Variants in CHI3L2 observed in about 807,000 individuals in gnomAD.
CHI3L2 encodes chitinase 3 like 2, also known as chitinase-3-like protein 2.
A neutral mutation model predicts 47.3 loss-of-function variants in CHI3L2; 47 were observed. That is an observed-to-expected ratio of 0.99 (90% CI 0.79 to 1.27). The LOEUF is 1.27. Among genes scored for constraint, CHI3L2 ranks in the 50% most tolerant of loss-of-function variants. The pLI, the probability that CHI3L2 is intolerant of heterozygous loss-of-function variation, is 0.00. For synonymous variants in CHI3L2, 198 were observed against 169.9 expected (o/e 1.17, Z -1.28); for missense variants, 497 against 462.1 (o/e 1.08, Z -0.69).
In CHI3L2 at chr1:111,235,020, A is replaced by T; in HGVS notation, c.443A>T (p.Asp148Val). 1 of 1,614,148 alleles carries T rather than the reference A, an allele frequency of 6.2e-7. No individual in the cohort carries two copies. The highest frequency in any genetic ancestry group is 2.2e-5 in the East Asian group (1 of 44,882). Residue 148 changes from aspartate to valine, a missense_variant, in exon 5 of 11, where the codon GAT (aspartate) becomes GTT (valine). By Grantham distance (152) the Asp-to-Val change is radical. Transcript: ENST00000369748. ...DGLDVSWIYP[D>V]QKENTHFTVL... is the part of the protein sequence containing the mutation. ...CTGGATGTAAGCTGGATCTACCCAGATCAGAAAGAAAACACTCATTTCACT... is the reference window on the plus strand; with the variant it reads ...CTGGATGTAAGCTGGATCTACCCAGTTCAGAAAGAAAACACTCATTTCACT...
At chr1:111,241,119 G>A (rs1329341823) in intron 8 of CHI3L2, among the ~76,000 whole-genome samples, 1 of 152,158 alleles carries the variant, frequency 6.6e-6, no homozygotes, top group African/African-American at 2.4e-5. Context: ...TCCTCCTGAT[G>A]AGACTTTAGC....
At chr1:111,229,010 G>T (rs1659609826) in intron 1 of CHI3L2, among the ~76,000 whole-genome samples, 1 of 152,168 alleles carries the variant, frequency 6.6e-6, no homozygotes, top group South Asian at 2.1e-4. Context: ...TGCTTATCTT[G>T]TTCTAAGAGT....
Position 111,236,157 on chromosome 1 carries a change from A to G in CHI3L2, c.735+4A>G, listed in dbSNP as rs756428182. 1.9e-5 allele frequency: 30 copies of G among 1,614,062 alleles called. No homozygotes were observed. Among genetic ancestry groups the G allele is most frequent in the Non-Finnish European group, 2.3e-5 (27 of 1,179,966 alleles). On this transcript the variant is annotated splice_donor_region_variant and intron_variant, in intron 7 of 10. Coordinates refer to ENST00000369748, the MANE Select transcript of CHI3L2 (RefSeq NM_004000.3). ...GCCAAGCTCCTACTACAATGTGGTG[A>G]GTAGGCCAGGGGAACCGCAGGGGTA...
Position 111,241,402 on chromosome 1 carries a change from C to A in CHI3L2, c.994C>A (p.Gln332Lys), listed in dbSNP as rs148880784. ...GGTTCCCTACGCAGTCAAGGGGAAC[C>A]AGTGGGTGGGCTATGATGATGTGAA... ...QQVPYAVKGN[Q>K]WVGYDDVKSM... Residue 332 changes from glutamine to lysine, a missense_variant, in exon 9 of 11, where the codon CAG becomes AAG. By Grantham distance (53) the Gln-to-Lys change is moderately conservative (BLOSUM62 1). Coordinates refer to ENST00000369748, the MANE Select transcript of CHI3L2 (RefSeq NM_004000.3). 4.4e-6 allele frequency: 7 copies of A among 1,608,978 alleles called. No homozygotes were observed. The highest frequency in any genetic ancestry group is 2.2e-5 in the South Asian group (2 of 90,978).
At chr1:111,234,513 T>A (rs1237625032) in intron 4 of CHI3L2, among the ~76,000 whole-genome samples, 2 of 152,182 alleles carry the variant, frequency 1.3e-5, no homozygotes, top group East Asian at 3.8e-4. Flanking sequence ...GTACCAGGTC[T>A]GGGGGTTTCT....
At chr1:111,234,826 T>C in intron 4 of CHI3L2, 81 bp from the exon 5 acceptor site, 1 of 1,354,108 alleles carries the variant, frequency 7.4e-7, no homozygotes, top group Admixed American at 1.8e-5. Context: ...AGAAGACTGC[T>C]CAGGATTTCT....
chr1:111,236,177 G>A, intron 7 of CHI3L2, 24 bp downstream of exon 7: 1 of 1,613,340 alleles, frequency 6.2e-7, no homozygotes, highest in Non-Finnish European at 8.5e-7. Flanking sequence ...GGGAACCGCA[G>A]GGGTACTGGC....
chr1:111,230,226 T>C (rs1038478526), intron 2 of CHI3L2, among the ~76,000 whole-genome samples: 2 of 151,932 alleles, frequency 1.3e-5, no homozygotes, highest in African/African-American at 4.8e-5. Context: ...GTTTCATATG[T>C]TGGTGGTATC....
chr1:111,242,892 T>A (rs1660103059), intron 10 of CHI3L2, among the ~76,000 whole-genome samples: 2 of 152,222 alleles, frequency 1.3e-5, no homozygotes, highest in South Asian at 4.1e-4. Flanking sequence ...GTGGCTTTGC[T>A]GCTGCTCCAT....
chr1:111,230,802 G>A lies in CHI3L2; in HGVS notation c.131G>A (p.Gly44Glu). ...TNWSQDRQEP[G>E]KFTPENIDPF... is the part of the protein sequence containing the mutation. ...TGGTCCCAGGACCGGCAGGAACCAG[G>A]AAAATTCACCCCTGAGAATATTGAC... Residue 44 changes from glycine (G) to glutamate (E), a missense_variant, in exon 3 of 11, where the codon GGA (glycine) becomes GAA (glutamate). Gly to Glu is a moderately conservative substitution (Grantham distance 98). Coordinates refer to ENST00000369748, the MANE Select transcript of CHI3L2 (RefSeq NM_004000.3). The A allele has an allele frequency of 6.2e-7, 1 of 1,614,026 alleles. No homozygotes were observed. The highest frequency in any genetic ancestry group is 8.5e-7 in the Non-Finnish European group (1 of 1,180,002).
intron 5 of CHI3L2, among the ~76,000 whole-genome samples, chr1:111,235,267 A>T (rs1298905317): frequency 2.0e-5 from 3 of 152,186 alleles, no homozygotes; most frequent in Non-Finnish European, 4.4e-5. Flanking sequence ...CCCCTTGCAC[A>T]TTTATTTTGA....
At chr1:111,230,183 T>C (rs923454163) in intron 2 of CHI3L2, among the ~76,000 whole-genome samples, 5 of 152,176 alleles carry the variant, frequency 3.3e-5, no homozygotes, top group African/African-American at 1.2e-4. Context: ...CATCCATCCA[T>C]ACATACATAC....
rs1660118847 is a variant in CHI3L2, at chr1:111,243,389, G to A, written c.*175G>A. The A allele has an allele frequency of 5.3e-6, 2 of 374,742 alleles. No individual in the cohort carries two copies. The allele number at this position is 374,742 out of a possible 1,614,324, so 23.2% of individuals were successfully genotyped here. A position where few individuals can be genotyped will look rare whatever the true frequency, so the allele number is the denominator to read the frequency against. On this transcript the variant is annotated 3_prime_UTR_variant, in exon 11 of 11. Transcript: ENST00000369748. The stretch of plus-strand genomic sequence containing the variant: ...GACCTGGTTTTGTTTTCCTGCAGCT[G>A]TTGACTTGTTGCCCTGAAGTACAAT...
chr1:111,228,792 C>T (rs1200192325), intron 1 of CHI3L2, among the ~76,000 whole-genome samples: 1 of 152,202 alleles, frequency 6.6e-6, no homozygotes, highest in East Asian at 1.9e-4. Context: ...TGAACAATAT[C>T]CCCAGGCTGG....
chr1:111,229,868 G>GTAGTGGTA lies in CHI3L2; in HGVS notation c.57_58insTAGTGGTA (p.Leu20Ter). 10 of 1,613,826 alleles carry GTAGTGGTA rather than the reference G, an allele frequency of 6.2e-6. No individual in the cohort carries two copies. The highest frequency in any genetic ancestry group is 7.6e-6 in the Non-Finnish European group (9 of 1,179,878). On this transcript the variant is annotated stop_gained and frameshift_variant, in exon 2 of 11. Coordinates refer to ENST00000369748, the MANE Select transcript of CHI3L2 (RefSeq NM_004000.3). LOFTEE classifies it high-confidence loss of function. ...CTATTGCAGGTGTAGTGGTCTTGCT[G>GTAGTGGTA]CTTCTCCAGGGAGGTAAGTAGTCAA...
At chr1:111,238,601 A>G (rs1209885137) in intron 7 of CHI3L2, 149 bp from the exon 8 acceptor site, 1 of 702,506 alleles carries the variant, frequency 1.4e-6, no homozygotes, top group Admixed American at 3.1e-5. Flanking sequence ...TACAACAAGC[A>G]CTCTGGTCCG....
chr1:111,242,311 C>A lies in CHI3L2; in HGVS notation c.1120C>A (p.Gln374Lys). 6.2e-7 allele frequency: 1 copy of A among 1,613,932 alleles called. No homozygotes were observed. The part of the protein sequence containing the change: ...MDDFTGKSCN[Q>K]GPYPLVQAVK... ...TGACTTCACTGGCAAATCCTGCAAC[C>A]AGGGCCCTTACCCTCTTGTCCAAGC... Residue 374 changes from glutamine (Q) to lysine (K), a missense_variant, in exon 10 of 11, where the codon CAG becomes AAG. Physicochemically the swap from Gln to Lys is moderately conservative, Grantham distance 53 (BLOSUM62 1). Transcript: ENST00000369748.
At chr1:111,229,702 A>AAAAAAAAAAAAAAAAC (rs1659649934) in intron 1 of CHI3L2, 150 bp from the exon 2 acceptor site, 1 of 1,133,452 alleles carries the variant, frequency 8.8e-7, no homozygotes, top group African/African-American at 1.7e-5. Context: ...AAAAAAAAAA[A>AAAAAAAAAAAAAAAAC]AAAGAAACCA....
At chr1:111,232,511 A>G (rs376865643) in intron 4 of CHI3L2, among the ~76,000 whole-genome samples, 27 of 152,304 alleles carry the variant, frequency 1.8e-4, no homozygotes, top group African/African-American at 5.1e-4. Flanking sequence ...TTATGTCTGT[A>G]TGCCGCAGTT....
Sources: allele counts gnomAD v4.1 joint callset (sites outside exome capture counted in the v4.1 genomes callset), GRCh38; gene constraint gnomAD v4.1.1; transcripts MANE v1.5; gene names NCBI Gene and HGNC (gene_info 2026-07-23, HGNC 2026-07-21).